Variants in RSPO2 observed in about 807,000 individuals in gnomAD.
RSPO2 encodes R-spondin 2.
In RSPO2, 14 loss-of-function variants were observed where a neutral mutation model predicts 30.9. That is an observed-to-expected ratio of 0.45 (90% CI 0.30 to 0.71). The LOEUF (loss-of-function observed/expected upper bound fraction) is 0.71. Ranked by LOEUF, RSPO2 falls within the 30% of genes least tolerant of loss-of-function variation. The pLI, the probability that RSPO2 is intolerant of heterozygous loss-of-function variation, is 0.08. For missense variants in RSPO2, 264 were observed against 301.9 expected, an observed-to-expected ratio of 0.87 and a Z score of 0.93; for synonymous variants, 107 against 96.4, an observed-to-expected ratio of 1.11 and a Z score of -0.64.
chr8:107,926,152 C>T (rs527371643), intron 5 of RSPO2, among the ~76,000 whole-genome samples: 1 of 151,664 alleles, frequency 6.6e-6, no homozygotes, highest in Non-Finnish European at 1.5e-5. Context: ...TCTCTGATGG[C>T]CAGTGATGGT....
intron 4 of RSPO2, 25 bp from the exon 5 acceptor site, chr8:107,958,293 A>G (rs1284798723): frequency 1.9e-6 from 3 of 1,577,894 alleles, no homozygotes; most frequent in Non-Finnish European, 2.6e-6. Context: ...TAGAAAAAGA[A>G]AAAAAAACAC....
intron 5 of RSPO2, among the ~76,000 whole-genome samples, chr8:107,906,783 T>C (rs925153895): frequency 6.6e-6 from 1 of 151,984 alleles, no homozygotes; most frequent in African/African-American, 2.4e-5. Flanking sequence ...AACACATTTA[T>C]TTTAGTTGAC....
intron 5 of RSPO2, among the ~76,000 whole-genome samples, chr8:107,916,113 GGCT>G (rs1811974139): frequency 6.6e-6 from 1 of 152,056 alleles, no homozygotes; most frequent in Non-Finnish European, 1.5e-5. Context: ...CTGATTAATT[GGCT>G]TAGAAAAATA....
intron 2 of RSPO2, among the ~76,000 whole-genome samples, chr8:108,005,902 T>C (rs1815438147): frequency 6.6e-6 from 1 of 152,128 alleles, no homozygotes; most frequent in South Asian, 2.1e-4. Context: ...GTTTACTATG[T>C]CTGATACACC....
chr8:108,051,472 C>A (rs1185814421), intron 2 of RSPO2, among the ~76,000 whole-genome samples: 1 of 152,146 alleles, frequency 6.6e-6, no homozygotes, highest in Non-Finnish European at 1.5e-5. Flanking sequence ...GAAGTCAAAT[C>A]ATCTAAAAGA....
chr8:107,937,157 T>G (rs1184060203), intron 5 of RSPO2, among the ~76,000 whole-genome samples: 3 of 151,306 alleles, frequency 2.0e-5, no homozygotes, highest in Non-Finnish European at 4.4e-5. Context: ...TTCAGTTGTT[T>G]TTTTTTTTTT....
chr8:108,057,539 A>C (rs112105626), intron 2 of RSPO2, among the ~76,000 whole-genome samples: 95 of 152,334 alleles, frequency 6.2e-4, no homozygotes, highest in African/African-American at 2.1e-3. Context: ...ACAAACACCT[A>C]AATGTCTCAA....
intron 2 of RSPO2, among the ~76,000 whole-genome samples, chr8:108,043,770 G>T (rs1175880327): frequency 6.6e-6 from 1 of 152,060 alleles, no homozygotes; most frequent in East Asian, 1.9e-4. Context: ...CTGCAGGCTG[G>T]TTCTGGCTGT....
intron 2 of RSPO2, among the ~76,000 whole-genome samples, chr8:108,054,699 G>A (rs1428206253): frequency 6.6e-6 from 1 of 152,188 alleles, no homozygotes; most frequent in African/African-American, 2.4e-5. Context: ...TAAGTGAGGC[G>A]CCTAGCATGT....
intron 5 of RSPO2, among the ~76,000 whole-genome samples, chr8:107,902,699 G>C (rs1490312791): frequency 6.6e-6 from 1 of 152,138 alleles, no homozygotes; most frequent in East Asian, 1.9e-4. Flanking sequence ...CAAGACCCTA[G>C]CACAGTGACT....
intron 5 of RSPO2, among the ~76,000 whole-genome samples, chr8:107,944,103 T>C (rs1025542452): frequency 3.9e-5 from 6 of 152,338 alleles, no homozygotes; most frequent in African/African-American, 7.2e-5. Flanking sequence ...TTTCTAAGTT[T>C]ATGGTAATAA....
At chr8:107,919,400 G>A (rs1025289272) in intron 5 of RSPO2, among the ~76,000 whole-genome samples, 33 of 152,108 alleles carry the variant, frequency 2.2e-4, no homozygotes, top group Non-Finnish European at 3.5e-4. Flanking sequence ...AAACAAAGAC[G>A]ATAATAGCCC....
At chr8:107,972,829 C>T (rs1323495126) in intron 3 of RSPO2, among the ~76,000 whole-genome samples, 1 of 152,212 alleles carries the variant, frequency 6.6e-6, no homozygotes, top group Non-Finnish European at 1.5e-5. Context: ...AAGCTAGTTA[C>T]TGTCAGAGCT....
intron 2 of RSPO2, among the ~76,000 whole-genome samples, chr8:108,006,480 G>C (rs1025184111): frequency 2.0e-5 from 3 of 151,890 alleles, no homozygotes; most frequent in African/African-American, 7.2e-5. Flanking sequence ...TAAAAATAGG[G>C]ACCTTCAAAG....
chr8:108,060,857 A>G (rs1812433241), intron 2 of RSPO2, among the ~76,000 whole-genome samples: 1 of 151,760 alleles, frequency 6.6e-6, no homozygotes, highest in Non-Finnish European at 1.5e-5. Context: ...TCTACAAGCC[A>G]GAAGACAGTG....
intron 2 of RSPO2, among the ~76,000 whole-genome samples, chr8:108,067,159 T>G (rs1812697911): frequency 6.6e-6 from 1 of 152,224 alleles, no homozygotes; most frequent in African/African-American, 2.4e-5. Flanking sequence ...AGTAATACCC[T>G]AGAATCAAAG....
chr8:107,939,321 T>C (rs1812816799), intron 5 of RSPO2, among the ~76,000 whole-genome samples: 1 of 152,002 alleles, frequency 6.6e-6, no homozygotes, highest in Non-Finnish European at 1.5e-5. Context: ...TCTTCTAAAA[T>C]TGAATACATT....
chr8:108,061,844 C>A (rs1372765017), intron 2 of RSPO2, among the ~76,000 whole-genome samples: 2 of 151,952 alleles, frequency 1.3e-5, no homozygotes, highest in Non-Finnish European at 1.5e-5. Context: ...TCTCTCAGAC[C>A]ACAGTGCAAT....
chr8:108,043,495 A>C (rs1457754604), intron 2 of RSPO2, among the ~76,000 whole-genome samples: 2 of 152,106 alleles, frequency 1.3e-5, no homozygotes, highest in Non-Finnish European at 2.9e-5. Context: ...AACAAAAGAG[A>C]AATTATTTTT....
Sources: gnomAD v4.1 joint callset for allele counts (sites outside exome capture counted in the v4.1 genomes callset) on GRCh38, gnomAD v4.1.1 for gene constraint, MANE v1.5 for transcripts, NCBI Gene and HGNC (gene_info 2026-07-23, HGNC 2026-07-21) for gene names.